The following RAB31 variants were observed in gnomAD, a reference collection of about 807,000 sequenced individuals.
The protein encoded by RAB31 is ras-related protein Rab-31.
RAB31 carries 21 observed loss-of-function variants against 25.6 expected under a neutral mutation model. The observed-to-expected ratio is 0.82, with a 90% CI of 0.58 to 1.18. The LOEUF is 1.18. Among genes scored for constraint, RAB31 ranks in the 50% most tolerant of loss-of-function variants. RAB31 has a pLI of 0.00. For missense variants in RAB31, 196 were observed against 250.1 expected (o/e 0.78, Z 1.46); for synonymous variants, 87 against 84.0 (o/e 1.04, Z -0.20).
intron 5 of RAB31, among the ~76,000 whole-genome samples, chr18:9,843,596 T>C (rs984703810): frequency 6.7e-6 from 1 of 148,176 alleles, no homozygotes; most frequent in East Asian, 2.0e-4. Context: ...CAAGGTATCA[T>C]GCCAAACTGC....
chr18:9,846,556 T>A (rs523687), intron 6 of RAB31, among the ~76,000 whole-genome samples: 3 of 152,098 alleles, frequency 2.0e-5, no homozygotes, highest in African/African-American at 7.2e-5. Context: ...AATAGCCACC[T>A]TAGGAGGAGT....
intron 3 of RAB31, among the ~76,000 whole-genome samples, chr18:9,793,242 T>A (rs1409980412): frequency 9.0e-6 from 1 of 110,730 alleles, no homozygotes; most frequent in Non-Finnish European, 1.8e-5. Context: ...CCTGGCTGAT[T>A]TTTTTTTTTT....
intron 3 of RAB31, among the ~76,000 whole-genome samples, chr18:9,807,033 T>C (rs2068545198): frequency 2.0e-5 from 3 of 152,172 alleles, no homozygotes; most frequent in Admixed American, 2.0e-4. Context: ...AAGGCTCTTG[T>C]GGAAACTTTG....
At chr18:9,858,000 A>T (rs1051960581) in intron 6 of RAB31, among the ~76,000 whole-genome samples, 3 of 152,182 alleles carry the variant, frequency 2.0e-5, no homozygotes, top group Admixed American at 2.0e-4. Context: ...ACTGCACTTC[A>T]GCCTGGGTGA....
At chr18:9,803,882 C>T (rs1048463681) in intron 3 of RAB31, among the ~76,000 whole-genome samples, 1 of 152,180 alleles carries the variant, frequency 6.6e-6, no homozygotes, top group Non-Finnish European at 1.5e-5. Context: ...GGGGTTGTGT[C>T]CTGTAAGAAA....
chr18:9,791,926 CTTTGTTTTGT>C (rs374081823), intron 2 of RAB31, among the ~76,000 whole-genome samples: 3 of 151,774 alleles, frequency 2.0e-5, no homozygotes, highest in East Asian at 2.0e-4. Flanking sequence ...TGAATGCCTC[CTTTGTTTTGT>C]TTTGTTTTGT....
intron 2 of RAB31, chr18:9,787,436 A>G (rs2068439191): frequency 6.2e-6 from 1 of 160,448 alleles, no homozygotes; most frequent in Admixed American, 6.5e-5. Flanking sequence ...AAACTCTACA[A>G]ATGTAATGAA....
chr18:9,736,781 C>T (rs2068153203), intron 1 of RAB31, among the ~76,000 whole-genome samples: 1 of 152,080 alleles, frequency 6.6e-6, no homozygotes, highest in Non-Finnish European at 1.5e-5. Flanking sequence ...AAAAACTTGG[C>T]TTTGTAAATT....
chr18:9,766,356 C>T lies in RAB31; in HGVS notation c.40-8922C>T, dbSNP rs563703747. On this transcript the variant is annotated intron_variant, in intron 1 of 6. Transcript: ENST00000578921. This position sits in a 1 kb window ranked among gnomAD's most constrained non-coding sequence, Gnocchi z 4.3. Reference sequence around the variant, plus strand: ...GAGTGGGTGAGCCAGGCAAGCGTGGCACTGCCCTCATTACTATGCACTGCC... The same window carrying T: ...GAGTGGGTGAGCCAGGCAAGCGTGGTACTGCCCTCATTACTATGCACTGCC... Among the ~76,000 whole-genome samples, 104 of 152,252 alleles carry T rather than the reference C, an allele frequency of 6.8e-4. No individual in the cohort carries two copies. Among genetic ancestry groups the T allele is most frequent in the African/African-American group, 2.3e-3 (95 of 41,566 alleles).
intron 1 of RAB31, among the ~76,000 whole-genome samples, chr18:9,721,704 A>G (rs2068074572): frequency 6.6e-6 from 1 of 151,888 alleles, no homozygotes; most frequent in African/African-American, 2.4e-5. Context: ...TGCCTGCTGT[A>G]TACCAGGCAG....
At chr18:9,792,108 G>A (rs1568180201) in intron 2 of RAB31, 46 bp from the exon 3 acceptor site, 1 of 1,564,510 alleles carries the variant, frequency 6.4e-7, no homozygotes, top group South Asian at 1.2e-5. Flanking sequence ...GAATCTTTGT[G>A]AAGAAACAAT....
At chr18:9,824,954 A>AC (rs1299282773) in intron 5 of RAB31, among the ~76,000 whole-genome samples, 1 of 151,872 alleles carries the variant, frequency 6.6e-6, no homozygotes, top group Non-Finnish European at 1.5e-5. Flanking sequence ...CAGGGGTGTA[A>AC]CCCCCCGTCC....
At chr18:9,751,465 T>C (rs372283455) in intron 1 of RAB31, among the ~76,000 whole-genome samples, 109 of 152,302 alleles carry the variant, frequency 7.2e-4, no homozygotes, top group South Asian at 3.5e-3. Context: ...GCGGTGCAGA[T>C]TTGATACACT....
intron 1 of RAB31, among the ~76,000 whole-genome samples, chr18:9,746,162 A>G (rs1263323188): frequency 6.6e-6 from 1 of 152,242 alleles, no homozygotes; most frequent in East Asian, 1.9e-4. Context: ...TCCATTTATA[A>G]TAGCATTTAG....
chr18:9,812,685 T>C (rs915825556), intron 3 of RAB31, among the ~76,000 whole-genome samples: 1 of 126,770 alleles, frequency 7.9e-6, no homozygotes, highest in Non-Finnish European at 1.6e-5. Flanking sequence ...CCCTCCAGGA[T>C]ACTATTTTTT....
In RAB31 at chr18:9,815,148, G is replaced by A; in HGVS notation, c.306G>A (p.Lys102=). 7.1e-6 allele frequency: 11 copies of A among 1,555,684 alleles called. No homozygotes were observed. Among genetic ancestry groups the A allele is most frequent in the Non-Finnish European group, 9.6e-6 (11 of 1,148,382 alleles). Residue 102 remains lysine (K), a synonymous_variant, in exon 5 of 7, where the codon AAG becomes AAA. Coordinates refer to ENST00000578921, the MANE Select transcript of RAB31 (RefSeq NM_006868.4). ...TTTATACCTTGAAGAAATGGGTCAA[G>A]GAGCTGAAAGAACATGGTCCAGAAA... ...DSFYTLKKWV[K]ELKEHGPENI... is the part of the protein sequence containing the mutation.
chr18:9,826,690 G>A (rs899115607), intron 5 of RAB31, among the ~76,000 whole-genome samples: 1 of 152,190 alleles, frequency 6.6e-6, no homozygotes, highest in African/African-American at 2.4e-5. Flanking sequence ...CTGAAGTAAT[G>A]TATGATCCCT....
intron 5 of RAB31, among the ~76,000 whole-genome samples, chr18:9,826,136 G>C (rs1345849859): frequency 6.6e-6 from 1 of 152,110 alleles, no homozygotes; most frequent in Non-Finnish European, 1.5e-5. Context: ...CAACATGTTG[G>C]GAGGCTGAGG....
intron 5 of RAB31, among the ~76,000 whole-genome samples, chr18:9,823,565 G>A (rs1275446826): frequency 6.6e-6 from 1 of 152,100 alleles, no homozygotes; most frequent in East Asian, 1.9e-4. Context: ...ACAACTGCAT[G>A]TAAACGAATC....
Sources: allele counts gnomAD v4.1 joint callset (sites outside exome capture counted in the v4.1 genomes callset), GRCh38; gene constraint gnomAD v4.1.1; non-coding constraint Gnocchi (gnomAD v3.1); transcripts MANE v1.5; gene names NCBI Gene and HGNC (gene_info 2026-07-23, HGNC 2026-07-21).